AIG1: variants seen among roughly 807,000 people sequenced by gnomAD.
The protein encoded by AIG1 is androgen induced 1, also known as androgen-induced gene 1 protein.
A neutral mutation model predicts 31.4 loss-of-function variants in AIG1; 23 were observed. The observed-to-expected ratio is 0.73, with a 90% confidence interval of 0.53 to 1.04. AIG1 has a LOEUF of 1.04. AIG1 is among the 50% of genes least tolerant of loss of function. The pLI, the probability that AIG1 is intolerant of heterozygous loss-of-function variation, is 0.00. For synonymous variants in AIG1, 100 were observed against 110.5 expected, an observed-to-expected ratio of 0.90 and a Z score of 0.60; for missense variants, 274 against 295.0, an observed-to-expected ratio of 0.93 and a Z score of 0.52.
intron 1 of AIG1, among the ~76,000 whole-genome samples, chr6:143,121,436 A>G (rs527476040): frequency 1.3e-5 from 2 of 152,232 alleles, no homozygotes; most frequent in Non-Finnish European, 2.9e-5. Context: ...ACAACTTTAC[A>G]TTACATAATC....
chr6:143,142,201 A>C (rs1784300407), intron 2 of AIG1, among the ~76,000 whole-genome samples: 1 of 151,970 alleles, frequency 6.6e-6, no homozygotes, highest in Admixed American at 6.6e-5. Flanking sequence ...TCTCCCAAGT[A>C]GCTAGGACTA....
chr6:143,245,658 G>T (rs1284731105), intron 3 of AIG1, among the ~76,000 whole-genome samples: 9 of 152,180 alleles, frequency 5.9e-5, no homozygotes, highest in Admixed American at 4.6e-4. Context: ...TCTTCATCCA[G>T]CTTTTTCCTA....
At chr6:143,220,461 C>T (rs1023382941) in intron 3 of AIG1, among the ~76,000 whole-genome samples, 29 of 152,218 alleles carry the variant, frequency 1.9e-4, no homozygotes, top group African/African-American at 6.3e-4. Flanking sequence ...AGAATGAACA[C>T]GAGACGTTGA....
chr6:143,156,871 T>C (rs1327352077), intron 2 of AIG1, among the ~76,000 whole-genome samples: 1 of 152,196 alleles, frequency 6.6e-6, no homozygotes, highest in Non-Finnish European at 1.5e-5. Flanking sequence ...GAGCATGACC[T>C]TGGGCTAGTC....
intron 3 of AIG1, among the ~76,000 whole-genome samples, chr6:143,263,396 A>G (rs960615938): frequency 1.3e-5 from 2 of 151,770 alleles, no homozygotes; most frequent in African/African-American, 2.4e-5. Context: ...TCAGCTTATT[A>G]TAAGCCCTGC....
rs1423469799 is a variant in AIG1 at position 143,333,189 on chromosome 6, G to A, written c.516-93G>A. 1 of 1,248,836 alleles carries A rather than the reference G, an allele frequency of 8.0e-7. No individual in the cohort carries two copies. The highest frequency in any genetic ancestry group is 1.1e-6 in the Non-Finnish European group (1 of 936,996). 77.4% of individuals were successfully genotyped at this position (1,248,836 alleles called of 1,614,324 possible). ...AGACTGGCAAATGCTGAAGCATGGG[G>A]AGAGTGAGGGAGTGTATATTTGCAT... On this transcript the variant is annotated intron_variant, in intron 4 of 5. Transcript: ENST00000357847. The surrounding 1 kb of genome is among the most constrained non-coding windows in gnomAD (Gnocchi z 4.6).
intron 1 of AIG1, among the ~76,000 whole-genome samples, chr6:143,085,645 T>C (rs1778702490): frequency 6.6e-6 from 1 of 152,134 alleles, no homozygotes; most frequent in South Asian, 2.1e-4. Context: ...TGAGTCAGGA[T>C]TGAGATAGAG....
chr6:143,109,411 C>T (rs1781080926), intron 1 of AIG1, among the ~76,000 whole-genome samples: 1 of 152,174 alleles, frequency 6.6e-6, no homozygotes, highest in Admixed American at 6.5e-5. Flanking sequence ...ATAGAGTCCA[C>T]ATATGTTCAG....
chr6:143,189,433 A>G, intron 3 of AIG1: 1 of 982,542 alleles, frequency 1.0e-6, no homozygotes, highest in Non-Finnish European at 1.2e-6. Flanking sequence ...AAGTATTTGC[A>G]AAATAGTTTT....
chr6:143,081,487 G>C (rs1778248458), intron 1 of AIG1, among the ~76,000 whole-genome samples: 1 of 151,470 alleles, frequency 6.6e-6, no homozygotes, highest in Non-Finnish European at 1.5e-5. Flanking sequence ...TCTGAGATTT[G>C]GGCATGTGGG....
chr6:143,249,865 T>C (rs1282028183), intron 3 of AIG1, among the ~76,000 whole-genome samples: 2 of 152,200 alleles, frequency 1.3e-5, no homozygotes, highest in African/African-American at 4.8e-5. Context: ...ATTGGGCATG[T>C]AGTGAATCAA....
chr6:143,224,574 G>T (rs551788996), intron 3 of AIG1, among the ~76,000 whole-genome samples: 9 of 152,274 alleles, frequency 5.9e-5, no homozygotes, highest in African/African-American at 2.2e-4. Flanking sequence ...AGTGAATGTG[G>T]CTATTGTTAA....
intron 3 of AIG1, among the ~76,000 whole-genome samples, chr6:143,224,103 C>T (rs551785384): frequency 1.6e-4 from 24 of 152,244 alleles, no homozygotes; most frequent in South Asian, 4.2e-4. Flanking sequence ...TGATGTCATC[C>T]GGTCCCAGGG....
Position 143,328,238 on chromosome 6 carries a change from A to G in AIG1, c.516-5044A>G, listed in dbSNP as rs914683068. On this transcript the variant is annotated intron_variant, in intron 4 of 5. Transcript: ENST00000357847. This position sits in a 1 kb window ranked among gnomAD's most constrained non-coding sequence, Gnocchi z 4.0. ...GACTGCTGTGGGTGAAAGTGAGTAC[A>G]ATGTACAGATATGGTGTCAGTGAAT... 2.6e-5 allele frequency among the ~76,000 whole-genome samples: 4 copies of G among 152,180 alleles called. No homozygotes were observed. Among genetic ancestry groups the G allele is most frequent in the Non-Finnish European group, 5.9e-5 (4 of 68,030 alleles).
chr6:143,258,799 G>C lies in AIG1; in HGVS notation c.400-25311G>C, dbSNP rs1030270588. On this transcript the variant is annotated intron_variant, in intron 3 of 5. Coordinates refer to ENST00000357847, the MANE Select transcript of AIG1 (RefSeq NM_016108.4). The surrounding 1 kb of genome is among the most constrained non-coding windows in gnomAD (Gnocchi z 4.7). Reference sequence around the variant, plus strand: ...GGTCCCCTCTGTGTTGGTGTTGGAAGATGTGGTCTAATGGGAGGTGTTTGG... The same window carrying C: ...GGTCCCCTCTGTGTTGGTGTTGGAACATGTGGTCTAATGGGAGGTGTTTGG... Among the ~76,000 whole-genome samples the C allele has an allele frequency of 2.6e-5, 4 of 152,226 alleles. No homozygotes were observed. The highest frequency in any genetic ancestry group is 5.9e-5 in the Non-Finnish European group (4 of 68,036).
chr6:143,260,484 G>A (rs1314491881), intron 3 of AIG1, among the ~76,000 whole-genome samples: 1 of 152,164 alleles, frequency 6.6e-6, no homozygotes, highest in Non-Finnish European at 1.5e-5. Flanking sequence ...ATTTATCCAT[G>A]ATAATAGATT....
chr6:143,308,187 G>A (rs954118538), intron 4 of AIG1, among the ~76,000 whole-genome samples: 11 of 152,186 alleles, frequency 7.2e-5, no homozygotes, highest in Non-Finnish European at 1.6e-4. Context: ...GCCCTGCTTC[G>A]GCTCGCGCAC....
intron 3 of AIG1, among the ~76,000 whole-genome samples, chr6:143,208,982 A>C (rs1562491089): frequency 6.6e-6 from 1 of 151,968 alleles, no homozygotes; most frequent in Admixed American, 6.6e-5. Context: ...GCATCTAGAC[A>C]TAGAGGACAA....
intron 1 of AIG1, among the ~76,000 whole-genome samples, chr6:143,062,513 C>T (rs1019919266): frequency 1.3e-5 from 2 of 152,134 alleles, no homozygotes; most frequent in African/African-American, 4.8e-5. Flanking sequence ...CCAGGGCTAT[C>T]TTTATATTTG....
Sources: allele counts gnomAD v4.1 joint callset (sites outside exome capture counted in the v4.1 genomes callset), GRCh38; gene constraint gnomAD v4.1.1; non-coding constraint Gnocchi (gnomAD v3.1); transcripts MANE v1.5; gene names NCBI Gene and HGNC (gene_info 2026-07-23, HGNC 2026-07-21).